Variants in FBXL17 observed in about 807,000 individuals in gnomAD.
FBXL17 encodes F-box/LRR-repeat protein 17.
In FBXL17, 22 loss-of-function variants were observed where a neutral mutation model predicts 66.2. The ratio of observed to expected loss-of-function variants is 0.33; its 90% CI spans 0.24 to 0.47. FBXL17 has a LOEUF of 0.47. Among genes scored for constraint, FBXL17 ranks in the 20% least tolerant of loss-of-function variants. The pLI, the probability that FBXL17 is intolerant of heterozygous loss-of-function variation, is 1.00. For synonymous variants in FBXL17, 474 were observed against 400.5 expected (o/e 1.18, Z -2.19); for missense variants, 878 against 948.2 (o/e 0.93, Z 0.97).
At chr5:108,137,313 T>G (rs1751174618) in intron 6 of FBXL17, among the ~76,000 whole-genome samples, 1 of 152,284 alleles carries the variant, frequency 6.6e-6, no homozygotes, top group Non-Finnish European at 1.5e-5. Flanking sequence ...CAAGGCTGTA[T>G]TTTTTGTAGG....
At chr5:108,149,088 T>C (rs1470579133) in intron 6 of FBXL17, among the ~76,000 whole-genome samples, 4 of 152,154 alleles carry the variant, frequency 2.6e-5, no homozygotes, top group African/African-American at 7.2e-5. Context: ...ATTATATGAC[T>C]CCAAAGCCTG....
intron 7 of FBXL17, among the ~76,000 whole-genome samples, chr5:108,015,126 G>T (rs1177999534): frequency 1.3e-5 from 2 of 152,076 alleles, no homozygotes; most frequent in Non-Finnish European, 2.9e-5. Context: ...CCTGCTAAAT[G>T]TAACAGTAGG....
chr5:108,225,821 A>C (rs1223251051), intron 4 of FBXL17, among the ~76,000 whole-genome samples: 1 of 152,202 alleles, frequency 6.6e-6, no homozygotes, highest in African/African-American at 2.4e-5. Flanking sequence ...TATCAATTAA[A>C]TGGTCAATCT....
At chr5:108,087,598 C>A (rs1170341922) in intron 6 of FBXL17, among the ~76,000 whole-genome samples, 1 of 152,074 alleles carries the variant, frequency 6.6e-6, no homozygotes. Flanking sequence ...ACATCTTATA[C>A]CCCAATCTCG....
At chr5:108,071,870 A>C (rs1169401162) in intron 6 of FBXL17, among the ~76,000 whole-genome samples, 1 of 152,018 alleles carries the variant, frequency 6.6e-6, no homozygotes, top group African/African-American at 2.4e-5. Context: ...CTAAATCACA[A>C]AATTTCTTAA....
intron 6 of FBXL17, among the ~76,000 whole-genome samples, chr5:108,118,519 C>T (rs1750352733): frequency 6.6e-6 from 1 of 152,142 alleles, no homozygotes; most frequent in Admixed American, 6.5e-5. Flanking sequence ...CCTTTCCTTT[C>T]CATTTTGGTT....
At chr5:107,966,707 T>C (rs986975379) in intron 7 of FBXL17, among the ~76,000 whole-genome samples, 1 of 152,126 alleles carries the variant, frequency 6.6e-6, no homozygotes, top group Non-Finnish European at 1.5e-5. Context: ...ATTGGCCATG[T>C]TAACTGTTTT....
intron 4 of FBXL17, among the ~76,000 whole-genome samples, chr5:108,344,181 C>CA (rs577764924): frequency 1.3e-4 from 20 of 151,620 alleles, no homozygotes; most frequent in African/African-American, 4.1e-4. Flanking sequence ...CCTAGGGGGT[C>CA]GGGGGGGAAA....
chr5:108,016,748 A>C (rs1754400856), intron 7 of FBXL17, among the ~76,000 whole-genome samples: 1 of 151,538 alleles, frequency 6.6e-6, no homozygotes. Flanking sequence ...ACTTTCCTGA[A>C]GGAAGTAAAT....
chr5:108,095,515 T>A (rs1749333937), intron 6 of FBXL17, among the ~76,000 whole-genome samples: 1 of 152,116 alleles, frequency 6.6e-6, no homozygotes, highest in Non-Finnish European at 1.5e-5. Flanking sequence ...ATAGGGTAGA[T>A]CAGTTGAGTA....
At chr5:108,142,274 G>T (rs1446277200) in intron 6 of FBXL17, among the ~76,000 whole-genome samples, 2 of 152,114 alleles carry the variant, frequency 1.3e-5, no homozygotes, top group Non-Finnish European at 2.9e-5. Flanking sequence ...TTTGAATTCA[G>T]TGTTTTGCTT....
chr5:107,868,955 A>G (rs1033343243), intron 8 of FBXL17, among the ~76,000 whole-genome samples: 5 of 152,214 alleles, frequency 3.3e-5, no homozygotes, highest in African/African-American at 1.2e-4. Context: ...AACAAACTCA[A>G]GTGTATACCT....
intron 6 of FBXL17, among the ~76,000 whole-genome samples, chr5:108,170,619 C>T (rs1290253071): frequency 1.3e-5 from 2 of 152,066 alleles, no homozygotes; most frequent in African/African-American, 2.4e-5. Flanking sequence ...CTGCAACTTC[C>T]GCTTCCCAGG....
At chr5:108,346,822 G>A (rs1315381379) in intron 4 of FBXL17, among the ~76,000 whole-genome samples, 1 of 151,978 alleles carries the variant, frequency 6.6e-6, no homozygotes, top group Non-Finnish European at 1.5e-5. Context: ...CTTTCCCAGG[G>A]TCACTATGCA....
chr5:108,358,822 C>T (rs904053307), intron 3 of FBXL17, among the ~76,000 whole-genome samples: 5 of 152,020 alleles, frequency 3.3e-5, no homozygotes, highest in African/African-American at 9.7e-5. Flanking sequence ...AGTCTTTCTT[C>T]ATTGGAAATT....
intron 7 of FBXL17, among the ~76,000 whole-genome samples, chr5:107,933,361 T>C (rs2112578272): frequency 6.6e-6 from 1 of 152,258 alleles, no homozygotes; most frequent in East Asian, 1.9e-4. Flanking sequence ...ATCACAAATA[T>C]TTTCTATTTA....
intron 6 of FBXL17, among the ~76,000 whole-genome samples, chr5:108,022,403 T>C (rs1754637620): frequency 6.6e-6 from 1 of 151,908 alleles, no homozygotes; most frequent in African/African-American, 2.4e-5. Flanking sequence ...TTACCAACAA[T>C]AACAACATTT....
intron 7 of FBXL17, among the ~76,000 whole-genome samples, chr5:107,925,432 T>C (rs1750494335): frequency 6.6e-6 from 1 of 152,170 alleles, no homozygotes; most frequent in Non-Finnish European, 1.5e-5. Flanking sequence ...TCACTGTTTG[T>C]GAAAAGGCCA....
intron 4 of FBXL17, among the ~76,000 whole-genome samples, chr5:108,295,611 T>G (rs1758313983): frequency 6.6e-6 from 1 of 151,918 alleles, no homozygotes; most frequent in Admixed American, 6.6e-5. Flanking sequence ...AACAAATCAG[T>G]TACTGTTTTC....
Sources: allele counts gnomAD v4.1 joint callset (sites outside exome capture counted in the v4.1 genomes callset), GRCh38; gene constraint gnomAD v4.1.1; transcripts MANE v1.5; gene names NCBI Gene and HGNC (gene_info 2026-07-23, HGNC 2026-07-21).